CALD1: variants seen among roughly 807,000 people sequenced by gnomAD.
The protein encoded by CALD1 is caldesmon.
In CALD1, 33 loss-of-function variants were observed where a neutral mutation model predicts 99.9. The observed-to-expected ratio is 0.33, with a 90% confidence interval of 0.25 to 0.44. The LOEUF (loss-of-function observed/expected upper bound fraction) is 0.44. Ranked by LOEUF, CALD1 falls within the 20% of genes least tolerant of loss-of-function variation. CALD1 has a pLI of 1.00. For synonymous variants in CALD1, 310 were observed against 325.0 expected (o/e 0.95, Z 0.50); for missense variants, 861 against 962.1 (o/e 0.89, Z 1.39).
At chr7:134,802,238 T>C (rs1311401082) in intron 1 of CALD1, among the ~76,000 whole-genome samples, 1 of 152,136 alleles carries the variant, frequency 6.6e-6, no homozygotes, top group Non-Finnish European at 1.5e-5. Context: ...CATTACCACA[T>C]TGCCTACCTT....
chr7:134,736,498 T>C, the CALD1 span, among the ~76,000 whole-genome samples: 1 of 152,166 alleles, frequency 6.6e-6, no homozygotes, highest in African/African-American at 2.4e-5. Context: ...TTTCCTTCCA[T>C]GCCTTAGAGA....
chr7:134,866,426 A>C (rs188371729), intron 2 of CALD1, among the ~76,000 whole-genome samples: 3 of 152,170 alleles, frequency 2.0e-5, no homozygotes, highest in Admixed American at 1.3e-4. Context: ...ATAATACCCT[A>C]GAGGATAAAA....
chr7:134,827,309 A>G (rs917572127), intron 1 of CALD1, among the ~76,000 whole-genome samples: 4 of 152,182 alleles, frequency 2.6e-5, no homozygotes, highest in African/African-American at 9.6e-5. Context: ...TTCATTTGCT[A>G]CATTCTTAGT....
intron 1 of CALD1, among the ~76,000 whole-genome samples, chr7:134,756,377 G>A (rs529482380): frequency 5.3e-5 from 8 of 150,412 alleles, no homozygotes; most frequent in Non-Finnish European, 1.0e-4. Flanking sequence ...TATATTTGTA[G>A]GTCCATTTTG....
At chr7:134,926,711 G>A (rs1805046095) in intron 3 of CALD1, among the ~76,000 whole-genome samples, 1 of 151,968 alleles carries the variant, frequency 6.6e-6, no homozygotes, top group African/African-American at 2.4e-5. Context: ...AGTTATATTA[G>A]GTTAATATAT....
At chr7:134,929,853 T>C (rs1805399777) in intron 4 of CALD1, among the ~76,000 whole-genome samples, 1 of 151,078 alleles carries the variant, frequency 6.6e-6, no homozygotes, top group Admixed American at 6.6e-5. Flanking sequence ...GTTCTACTTT[T>C]AGTTCTTTAA....
chr7:134,728,204 T>TA, the CALD1 span, among the ~76,000 whole-genome samples: 2 of 145,980 alleles, frequency 1.4e-5, no homozygotes, highest in African/African-American at 5.0e-5. Context: ...GATTAAGTCT[T>TA]GATCTGATCA....
chr7:134,787,835 G>C (rs1797365400), intron 1 of CALD1, among the ~76,000 whole-genome samples: 1 of 152,180 alleles, frequency 6.6e-6, no homozygotes, highest in Non-Finnish European at 1.5e-5. Context: ...AGAGTGACCT[G>C]ATCTAGTAAG....
intron 1 of CALD1, among the ~76,000 whole-genome samples, chr7:134,808,645 A>C (rs1798242890): frequency 6.6e-6 from 1 of 152,218 alleles, no homozygotes; most frequent in Admixed American, 6.5e-5. Context: ...TGCCTGAATA[A>C]GTCTTTCTAT....
At chr7:134,881,980 G>A (rs148972368) in intron 3 of CALD1, among the ~76,000 whole-genome samples, 11 of 152,246 alleles carry the variant, frequency 7.2e-5, no homozygotes, top group African/African-American at 2.6e-4. Flanking sequence ...GTCTTACGTC[G>A]CACTTTTTAC....
At chr7:134,847,192 G>A (rs760574900) in intron 2 of CALD1, among the ~76,000 whole-genome samples, 2 of 152,220 alleles carry the variant, frequency 1.3e-5, no homozygotes, top group Non-Finnish European at 2.9e-5. Flanking sequence ...TTTGAAGTCA[G>A]TCGAAGCTCC....
chr7:134,957,349 GTC>G (rs1807854015), intron 9 of CALD1, among the ~76,000 whole-genome samples: 4 of 152,258 alleles, frequency 2.6e-5, no homozygotes, highest in Admixed American at 6.5e-5. Flanking sequence ...AGCATGGTAT[GTC>G]TCTAGTAAAT....
chr7:134,775,568 G>A (rs1050386111), upstream of CALD1, among the ~76,000 whole-genome samples: 23 of 152,110 alleles, frequency 1.5e-4, no homozygotes, highest in African/African-American at 3.9e-4. Context: ...AAAATTAGCC[G>A]GGCGTGGTGG....
intron 1 of CALD1, among the ~76,000 whole-genome samples, chr7:134,784,814 T>C (rs1797244963): frequency 6.6e-6 from 1 of 152,206 alleles, no homozygotes; most frequent in Non-Finnish European, 1.5e-5. Context: ...CATGGATATT[T>C]ACTCCATCCC....
At chr7:134,751,123 C>T in intron 1 of CALD1, among the ~76,000 whole-genome samples, 1 of 152,202 alleles carries the variant, frequency 6.6e-6, no homozygotes, top group Non-Finnish European at 1.5e-5. Context: ...CAAATCCCTG[C>T]TTTTCTACCT....
chr7:134,715,374 G>C, the CALD1 span, among the ~76,000 whole-genome samples: 1 of 152,146 alleles, frequency 6.6e-6, no homozygotes, highest in Non-Finnish European at 1.5e-5. Context: ...GCTATAATCT[G>C]TCCCTGAATT....
At chr7:134,815,999 C>T (rs1798547290) in intron 1 of CALD1, among the ~76,000 whole-genome samples, 1 of 152,130 alleles carries the variant, frequency 6.6e-6, no homozygotes, top group South Asian at 2.1e-4. Flanking sequence ...GTGAACTTGT[C>T]TTGTCTCCTC....
chr7:134,944,888 A>G (rs902854922), intron 7 of CALD1, among the ~76,000 whole-genome samples: 6 of 152,216 alleles, frequency 3.9e-5, no homozygotes, highest in Admixed American at 3.3e-4. Context: ...GTGTTAGTGA[A>G]AACTCTGCAT....
chr7:134,760,944 G>A (rs930102282), intron 1 of CALD1, among the ~76,000 whole-genome samples: 1 of 152,116 alleles, frequency 6.6e-6, no homozygotes, highest in Non-Finnish European at 1.5e-5. Flanking sequence ...AGTAAACGTT[G>A]TTGAGCACTA....
Sources: allele counts gnomAD v4.1 joint callset (sites outside exome capture counted in the v4.1 genomes callset), GRCh38; gene constraint gnomAD v4.1.1; transcripts MANE v1.5; gene names NCBI Gene and HGNC (gene_info 2026-07-23, HGNC 2026-07-21).